Variants in OSBPL10 observed in about 807,000 individuals in gnomAD.
OSBPL10 encodes oxysterol binding protein like 10.
A neutral mutation model predicts 81.7 loss-of-function variants in OSBPL10; 49 were observed. The ratio of observed to expected loss-of-function variants is 0.60; its 90% CI spans 0.48 to 0.76. The LOEUF is 0.76. OSBPL10 is among the 30% of genes least tolerant of loss of function. OSBPL10 has a pLI of 0.00. For synonymous variants in OSBPL10, 419 were observed against 383.6 expected, an observed-to-expected ratio of 1.09 and a Z score of -1.08; for missense variants, 923 against 987.8, an observed-to-expected ratio of 0.93 and a Z score of 0.88.
At chr3:31,982,349 ACT>A (rs538597546), upstream of OSBPL10, among the ~76,000 whole-genome samples, 4 of 151,988 alleles carry the variant, frequency 2.6e-5, no homozygotes, top group Non-Finnish European at 4.4e-5. Context: ...AGGAACTCAG[ACT>A]CTCTCTCTCA....
At chr3:31,695,227 A>G (rs1695678131) in intron 7 of OSBPL10, among the ~76,000 whole-genome samples, 1 of 152,184 alleles carries the variant, frequency 6.6e-6, no homozygotes, top group Non-Finnish European at 1.5e-5. Context: ...GGTTCAAAAT[A>G]CACTGTTCGA....
chr3:31,955,256 C>G lies in OSBPL10; in HGVS notation c.281+25643G>C, dbSNP rs79816661. ...ATACACCAGAGGTATATGCTAGACA[C>G]TCATATGCCATCTGGTCTTACCATC... On this transcript the variant is annotated intron_variant, in intron 1 of 11. Transcript: ENST00000396556. Among the ~76,000 whole-genome samples, 2,245 of 152,314 alleles carry G rather than the reference C, an allele frequency of 0.015. 168 individuals are homozygous for G. In the East Asian group the frequency reaches 0.22, roughly 15 times the overall value.
chr3:31,695,976 A>G (rs1211656486), intron 7 of OSBPL10, among the ~76,000 whole-genome samples: 1 of 152,190 alleles, frequency 6.6e-6, no homozygotes, highest in African/African-American at 2.4e-5. Flanking sequence ...GAGCGGCCCT[A>G]TGAGGAAGGT....
At chr3:31,794,831 G>A in intron 4 of OSBPL10, 1 of 366,898 alleles carries the variant, frequency 2.7e-6, no homozygotes, top group Non-Finnish European at 5.4e-6. Flanking sequence ...AAACTGAACA[G>A]GAGTGGGGCA....
intron 1 of OSBPL10, among the ~76,000 whole-genome samples, chr3:32,047,458 C>T (rs1454510371): frequency 3.3e-5 from 5 of 152,124 alleles, no homozygotes; most frequent in Non-Finnish European, 7.3e-5. Context: ...CTGAGGGGTT[C>T]TCCCCTCTTT....
intron 3 of OSBPL10, among the ~76,000 whole-genome samples, chr3:31,872,037 C>T (rs80037340): frequency 2.0e-5 from 3 of 152,114 alleles, no homozygotes; most frequent in East Asian, 1.9e-4. Flanking sequence ...CACTAAAGGC[C>T]GAATGTTTTC....
At chr3:31,832,854 G>A (rs1268945754) in intron 3 of OSBPL10, among the ~76,000 whole-genome samples, 4 of 152,190 alleles carry the variant, frequency 2.6e-5, no homozygotes, top group African/African-American at 9.7e-5. Context: ...TTAGCCTCAG[G>A]CCTCGGCTAA....
At chr3:31,689,229 G>A (rs149075517) in intron 7 of OSBPL10, among the ~76,000 whole-genome samples, 95 of 152,216 alleles carry the variant, frequency 6.2e-4, no homozygotes, top group African/African-American at 2.0e-3. Context: ...GGAAAAAGGC[G>A]GGGAATTTTC....
intron 1 of OSBPL10, among the ~76,000 whole-genome samples, chr3:31,901,376 C>T (rs949956354): frequency 2.0e-5 from 3 of 152,314 alleles, no homozygotes; most frequent in South Asian, 2.1e-4. Flanking sequence ...CTGCTCATTC[C>T]GCCTGCTCTG....
intron 7 of OSBPL10, among the ~76,000 whole-genome samples, chr3:31,685,905 G>A (rs1321842894): frequency 1.3e-5 from 2 of 152,176 alleles, no homozygotes; most frequent in Non-Finnish European, 1.5e-5. Context: ...TTTGATCCCC[G>A]ATGTGGCAGT....
intron 2 of OSBPL10, among the ~76,000 whole-genome samples, chr3:31,996,822 C>A (rs72854188): frequency 0.012 from 1,849 of 152,228 alleles, 35 homozygotes; most frequent in African/African-American, 0.042. Context: ...ACAAAAAAAA[C>A]TTGACAAGTA....
chr3:31,771,963 T>C (rs950362408), intron 4 of OSBPL10, among the ~76,000 whole-genome samples: 3 of 152,220 alleles, frequency 2.0e-5, no homozygotes, highest in Non-Finnish European at 2.9e-5. Context: ...TCATGAAACA[T>C]GTTCATTTAA....
chr3:31,757,148 T>C (rs1697911401), intron 4 of OSBPL10, among the ~76,000 whole-genome samples: 1 of 152,238 alleles, frequency 6.6e-6, no homozygotes, highest in Non-Finnish European at 1.5e-5. Context: ...TTTTTATGAT[T>C]GAAATGTATC....
chr3:31,827,466 C>G (rs1700128108), intron 4 of OSBPL10, among the ~76,000 whole-genome samples: 1 of 152,040 alleles, frequency 6.6e-6, no homozygotes, highest in Non-Finnish European at 1.5e-5. Flanking sequence ...GAAACCCCGT[C>G]TCTACCAAAA....
At chr3:31,804,861 AT>A (rs200321330) in intron 4 of OSBPL10, among the ~76,000 whole-genome samples, 2 of 151,484 alleles carry the variant, frequency 1.3e-5, no homozygotes, top group Non-Finnish European at 1.5e-5. Context: ...TTGGTTTGCA[AT>A]TTTTTTTTAG....
chr3:31,857,299 ATTAAACT>A (rs1418588495), intron 3 of OSBPL10, among the ~76,000 whole-genome samples: 3 of 152,228 alleles, frequency 2.0e-5, no homozygotes, highest in Non-Finnish European at 4.4e-5. Context: ...CTCAAAGAGC[ATTAAACT>A]TTAAACACTT....
intron 1 of OSBPL10, chr3:31,960,139 G>A (rs1025499844): frequency 3.3e-5 from 5 of 152,146 alleles, no homozygotes; most frequent in African/African-American, 4.8e-5. Flanking sequence ...AAGAAATTAC[G>A]TACCGAAAAA....
chr3:32,022,555 G>C (rs889127276), intron 2 of OSBPL10, among the ~76,000 whole-genome samples: 3 of 152,154 alleles, frequency 2.0e-5, no homozygotes, highest in African/African-American at 7.2e-5. Context: ...GAAGGCTGAG[G>C]CGGATGGATT....
chr3:31,987,824 C>G (rs139327422), intron 2 of OSBPL10, among the ~76,000 whole-genome samples: 29 of 152,334 alleles, frequency 1.9e-4, no homozygotes, highest in African/African-American at 7.0e-4. Flanking sequence ...ATACTTCACA[C>G]TTTATGCAAA....
Sources: allele counts gnomAD v4.1 joint callset (sites outside exome capture counted in the v4.1 genomes callset), GRCh38; gene constraint gnomAD v4.1.1; transcripts MANE v1.5; gene names NCBI Gene and HGNC (gene_info 2026-07-23, HGNC 2026-07-21).